CADM1: variants seen among roughly 807,000 people sequenced by gnomAD.
CADM1 encodes cell adhesion molecule 1.
A neutral mutation model predicts 53.1 loss-of-function variants in CADM1; 15 were observed. The ratio of observed to expected loss-of-function variants is 0.28; its 90% confidence interval spans 0.19 to 0.44. The LOEUF is 0.44. Among genes scored for constraint, CADM1 ranks in the 20% least tolerant of loss-of-function variants. The probability of loss-of-function intolerance (pLI) is 1.00; values close to 1 mark genes in which losing one functional copy is unlikely to be tolerated. For synonymous variants in CADM1, 281 were observed against 243.0 expected, an observed-to-expected ratio of 1.16 and a Z score of -1.45; for missense variants, 434 against 611.3, an observed-to-expected ratio of 0.71 and a Z score of 3.06.
chr11:115,469,519 G>A (rs1046458311), intron 1 of CADM1, among the ~76,000 whole-genome samples: 2 of 152,164 alleles, frequency 1.3e-5, no homozygotes, highest in Non-Finnish European at 2.9e-5. Context: ...GGGAGGCAGT[G>A]CTTTAGGATG....
At chr11:115,490,442 A>G (rs1337297698) in intron 1 of CADM1, among the ~76,000 whole-genome samples, 1 of 128,654 alleles carries the variant, frequency 7.8e-6, no homozygotes. Context: ...TCTGTCGCCC[A>G]GGCTGGAATG....
intron 1 of CADM1, among the ~76,000 whole-genome samples, chr11:115,260,115 A>G (rs1835286726): frequency 6.6e-6 from 1 of 152,092 alleles, no homozygotes; most frequent in South Asian, 2.1e-4. Context: ...TTTTGTTTAG[A>G]GACGGGGTCT....
chr11:115,496,992 C>A (rs1949633226), intron 1 of CADM1, among the ~76,000 whole-genome samples: 1 of 152,144 alleles, frequency 6.6e-6, no homozygotes, highest in Admixed American at 6.5e-5. Context: ...AGTCAGGGAA[C>A]TGGAGAACCC....
Position 115,170,979 on chromosome 11 carries a change from A to G in CADM1, c.*5495T>C, listed in dbSNP as rs1232621124. ...AGTGTAACGTAAGGCTCAGTCAGCC[A>G]GGTGCTCGACTCTTCTCCCTTTAAT... is the stretch of plus-strand genomic sequence containing the variant. On this transcript the variant is annotated 3_prime_UTR_variant, in exon 12 of 12. Transcript: ENST00000331581. The G allele has an allele frequency of 1.3e-5, 2 of 152,210 alleles. No individual in the cohort carries two copies. Among genetic ancestry groups the G allele is most frequent in the African/African-American group, 2.4e-5 (1 of 41,452 alleles). 9.4% of individuals were successfully genotyped at this position (152,210 alleles called of 1,614,324 possible). A position where few individuals can be genotyped will look rare whatever the true frequency, so the allele number is the denominator to read the frequency against.
Position 115,400,659 on chromosome 11 carries a change from GTGTATATATATATATATATATATA to G in CADM1, c.124+103588_124+103611del, listed in dbSNP as rs1947125675. ...TATATATGTGTGTGTGTGTGTGTGT[GTGTATATATATATATATATATATA>G]TATATATATATATATATATATATGC... On this transcript the variant is annotated intron_variant, in intron 1 of 11. Coordinates refer to ENST00000331581, the MANE Select transcript of CADM1 (RefSeq NM_001301043.2). Among the ~76,000 whole-genome samples the G allele has an allele frequency of 2.1e-4, 8 of 38,674 alleles. No homozygotes were observed. In the South Asian group the frequency reaches 7.2e-3, roughly 35 times the overall value. The allele number at this position is 38,674 out of a possible 152,430, so 25.4% of individuals were successfully genotyped here. A position where few individuals can be genotyped will look rare whatever the true frequency, so the allele number is the denominator to read the frequency against.
chr11:115,332,278 T>A lies in CADM1; in HGVS notation c.125-91858A>T, dbSNP rs1488747392. Among the ~76,000 whole-genome samples the A allele has an allele frequency of 3.9e-5, 6 of 152,168 alleles. No homozygotes were observed. In the East Asian group the frequency reaches 1.2e-3, roughly 29 times the overall value. ...AAGACAGGTTGAGGAGAAACATGGA[T>A]GGGGCAGGTAGAAGTTAGAAGGCTA... is the stretch of plus-strand genomic sequence containing the variant. On this transcript the variant is annotated intron_variant, in intron 1 of 11. Coordinates refer to ENST00000331581, the MANE Select transcript of CADM1 (RefSeq NM_001301043.2).
intron 1 of CADM1, among the ~76,000 whole-genome samples, chr11:115,453,795 G>C (rs1212684223): frequency 6.6e-6 from 1 of 152,120 alleles, no homozygotes; most frequent in Non-Finnish European, 1.5e-5. Flanking sequence ...AAGTCAAAGA[G>C]GTAGAGCCTC....
intron 1 of CADM1, among the ~76,000 whole-genome samples, chr11:115,253,391 A>T (rs1942670479): frequency 6.6e-6 from 1 of 152,110 alleles, no homozygotes; most frequent in African/African-American, 2.4e-5. Flanking sequence ...TATGTCTAAG[A>T]TGTTTGGGGT....
chr11:115,352,500 A>AT (rs1438653012), intron 1 of CADM1, among the ~76,000 whole-genome samples: 5 of 152,238 alleles, frequency 3.3e-5, no homozygotes, highest in African/African-American at 1.2e-4. Flanking sequence ...GCTGGATAAA[A>AT]TAGAGGAAAT....
intron 1 of CADM1, among the ~76,000 whole-genome samples, chr11:115,301,228 ATTT>A (rs1038495575): frequency 2.6e-5 from 4 of 151,790 alleles, no homozygotes; most frequent in African/African-American, 9.7e-5. Context: ...AAAGGGTTCT[ATTT>A]TTTTTCAAAA....
intron 10 of CADM1, chr11:115,179,168 AG>A: frequency 3.3e-6 from 1 of 304,884 alleles, no homozygotes; most frequent in Non-Finnish European, 6.5e-6. Flanking sequence ...AGGCAACAGA[AG>A]GGTACAGCAT....
At chr11:115,289,131 G>A (rs778311430) in intron 1 of CADM1, among the ~76,000 whole-genome samples, 6 of 152,204 alleles carry the variant, frequency 3.9e-5, no homozygotes, top group Admixed American at 6.5e-5. Flanking sequence ...CTGAGAGGCC[G>A]AGGCGGGCAG....
intron 1 of CADM1, among the ~76,000 whole-genome samples, chr11:115,465,370 C>G (rs1451307939): frequency 2.6e-5 from 4 of 152,094 alleles, no homozygotes. Flanking sequence ...TTCTAGATAG[C>G]TCTGTTCTGA....
chr11:115,273,073 C>T (rs997094676), intron 1 of CADM1, among the ~76,000 whole-genome samples: 1 of 152,094 alleles, frequency 6.6e-6, no homozygotes, highest in Non-Finnish European at 1.5e-5. Flanking sequence ...AGACTTGTTT[C>T]CAAGAAAGCT....
chr11:115,388,337 T>G (rs1441177658), intron 1 of CADM1, among the ~76,000 whole-genome samples: 1 of 152,014 alleles, frequency 6.6e-6, no homozygotes, highest in Non-Finnish European at 1.5e-5. Flanking sequence ...GTTGATGAAG[T>G]GTTATAGTTG....
chr11:115,451,630 T>C (rs765801708), intron 1 of CADM1, among the ~76,000 whole-genome samples: 10 of 152,204 alleles, frequency 6.6e-5, no homozygotes, highest in Non-Finnish European at 1.5e-4. Context: ...TTAACAGGTA[T>C]AGTGTAGTCA....
intron 1 of CADM1, among the ~76,000 whole-genome samples, chr11:115,365,748 A>G (rs1017473338): frequency 2.6e-5 from 4 of 152,214 alleles, no homozygotes; most frequent in African/African-American, 9.7e-5. Flanking sequence ...AATAAAAAAA[A>G]AATTCTTTGT....
At chr11:115,476,098 GTCTC>G (rs1949124743) in intron 1 of CADM1, among the ~76,000 whole-genome samples, 1 of 152,084 alleles carries the variant, frequency 6.6e-6, no homozygotes, top group Non-Finnish European at 1.5e-5. Context: ...TATTACCAAA[GTCTC>G]AGTATTTAAT....
chr11:115,340,658 A>ATATATATAT (rs60532835), intron 1 of CADM1, among the ~76,000 whole-genome samples: 33 of 34,942 alleles, frequency 9.4e-4, no homozygotes, highest in South Asian at 6.0e-3. Flanking sequence ...ATATATATAT[A>ATATATATAT]TTTTTTTTTT....
Sources: gnomAD v4.1 joint callset for allele counts (sites outside exome capture counted in the v4.1 genomes callset) on GRCh38, gnomAD v4.1.1 for gene constraint, MANE v1.5 for transcripts, NCBI Gene and HGNC (gene_info 2026-07-23, HGNC 2026-07-21) for gene names.